Variants in NIPBL observed in about 807,000 individuals in gnomAD.
NIPBL encodes NIPBL cohesin loading factor, also known as nipped-B-like protein.
In NIPBL, 19 loss-of-function variants were observed where a neutral mutation model predicts 321.8. The ratio of observed to expected loss-of-function variants is 0.06; its 90% CI spans 0.04 to 0.09. The LOEUF (loss-of-function observed/expected upper bound fraction) is 0.09. Among genes scored for constraint, NIPBL ranks in the 10% least tolerant of loss-of-function variants. The pLI, the probability that NIPBL is intolerant of heterozygous loss-of-function variation, is 1.00. For missense variants in NIPBL, 2,210 were observed against 3,327.0 expected (o/e 0.66, Z 8.26); for synonymous variants, 1,106 against 1,114.1 (o/e 0.99, Z 0.14).
At chr5:36,972,955 TTTTACTAC>T (rs907293265) in intron 8 of NIPBL, among the ~76,000 whole-genome samples, 1 of 152,206 alleles carries the variant, frequency 6.6e-6, no homozygotes, top group Non-Finnish European at 1.5e-5. Context: ...TTGTAAGAAC[TTTTACTAC>T]TTTATGCACA....
At chr5:36,989,195 C>CTTCA (rs1362159133) in intron 10 of NIPBL, among the ~76,000 whole-genome samples, 1 of 152,174 alleles carries the variant, frequency 6.6e-6, no homozygotes, top group Admixed American at 6.5e-5. Context: ...GTTAATAACT[C>CTTCA]TTCACCCTGT....
intron 37 of NIPBL, 33 bp from the exon 38 acceptor site, chr5:37,046,076 C>A: frequency 9.3e-7 from 1 of 1,070,668 alleles, no homozygotes; most frequent in Non-Finnish European, 1.5e-6. Flanking sequence ...AGTTACTGTT[C>A]ATGAACACTT....
intron 9 of NIPBL, among the ~76,000 whole-genome samples, chr5:36,978,093 G>C (rs2149632197): frequency 6.6e-6 from 1 of 151,934 alleles, no homozygotes; most frequent in East Asian, 1.9e-4. Flanking sequence ...TTTTTATAAA[G>C]TAATTTTTTT....
chr5:37,006,497 A>G lies in NIPBL; in HGVS notation c.3996A>G (p.Val1332=). The change falls in exon 17 of 47, where the codon GTA becomes GTG. Residue 1332 remains valine (V), a synonymous_variant. Coordinates refer to ENST00000282516, the MANE Select transcript of NIPBL (RefSeq NM_133433.4). ...CAAAAGCTGTGTACATTGAGGATGT[A>G]ATTGAAAGAGTTATACAGTACACTA... ...NMPKAVYIED[V]IERVIQYTKF... 6.2e-7 allele frequency: 1 copy of G among 1,612,024 alleles called. No homozygotes were observed. Among genetic ancestry groups the G allele is most frequent in the Non-Finnish European group, 8.5e-7 (1 of 1,178,362 alleles).
At chr5:37,044,552 T>A in intron 35 of NIPBL, 65 bp downstream of exon 35, 2 of 1,584,876 alleles carry the variant, frequency 1.3e-6, no homozygotes, top group South Asian at 2.3e-5. Flanking sequence ...TTATTAAAAT[T>A]TTTAAAGCAA....
chr5:37,010,269 G>A (rs1341110572), intron 21 of NIPBL, 44 bp downstream of exon 21: 1 of 1,387,730 alleles, frequency 7.2e-7, no homozygotes, highest in South Asian at 1.2e-5. Flanking sequence ...TTTTATTGAA[G>A]GAAATACCTA....
At chr5:36,908,430 T>TTTTCCTATAGAATTTTCCTA (rs201624165) in intron 1 of NIPBL, among the ~76,000 whole-genome samples, 1 of 151,968 alleles carries the variant, frequency 6.6e-6, no homozygotes, top group Non-Finnish European at 1.5e-5. Flanking sequence ...TTTTCCTAAA[T>TTTTCCTATAGAATTTTCCTA]TAGAAACAAG....
intron 8 of NIPBL, among the ~76,000 whole-genome samples, chr5:36,972,372 C>T (rs779013826): frequency 7.9e-5 from 12 of 152,116 alleles, no homozygotes; most frequent in Non-Finnish European, 1.5e-4. Flanking sequence ...CCTCTTTCCT[C>T]CAAAAAGACT....
chr5:36,883,530 A>G (rs1003766249), intron 1 of NIPBL, among the ~76,000 whole-genome samples: 1 of 141,138 alleles, frequency 7.1e-6, no homozygotes, highest in African/African-American at 2.9e-5. Flanking sequence ...TTCTAGATAC[A>G]TTAAAACTAA....
intron 30 of NIPBL, among the ~76,000 whole-genome samples, 197 bp downstream of exon 30, chr5:37,024,916 A>C (rs1750084044): frequency 6.6e-6 from 1 of 152,104 alleles, no homozygotes; most frequent in Non-Finnish European, 1.5e-5. Context: ...TCTGATTTTA[A>C]CCAACCAATT....
intron 25 of NIPBL, 56 bp downstream of exon 25, chr5:37,019,456 A>G: frequency 1.5e-6 from 2 of 1,325,768 alleles, no homozygotes; most frequent in South Asian, 1.2e-5. Flanking sequence ...AATTGGGTTT[A>G]AGAAAATTGG....
At chr5:37,015,116 A>G (rs541306301) in intron 22 of NIPBL, among the ~76,000 whole-genome samples, 140 of 151,826 alleles carry the variant, frequency 9.2e-4, no homozygotes, top group Admixed American at 2.2e-3. Flanking sequence ...TTTAGCCTCC[A>G]TATGAATTTT....
At chr5:36,900,534 A>G (rs998176528) in intron 1 of NIPBL, among the ~76,000 whole-genome samples, 2 of 152,178 alleles carry the variant, frequency 1.3e-5, no homozygotes, top group African/African-American at 4.8e-5. Context: ...AATTCAGTCA[A>G]CATAATTACA....
intron 10 of NIPBL, among the ~76,000 whole-genome samples, chr5:36,993,033 G>A (rs887550337): frequency 4.6e-5 from 7 of 152,044 alleles, no homozygotes; most frequent in African/African-American, 7.2e-5. Context: ...GAGCCACTAC[G>A]CCTGGCCCCT....
At chr5:37,052,631 C>A in intron 42 of NIPBL, 65 bp downstream of exon 42, 1 of 1,242,072 alleles carries the variant, frequency 8.1e-7, no homozygotes, top group Non-Finnish European at 1.2e-6. Context: ...ATAAAGTAGT[C>A]ATTTTTTAAA....
Position 36,985,393 on chromosome 5 carries a change from A to T in NIPBL, c.2213A>T (p.Gln738Leu). Residue 738 changes from glutamine (Q) to leucine (L), a missense_variant, in exon 10 of 47, where the codon CAA (glutamine) becomes CTA (leucine). Physicochemically the swap from Gln to Leu is moderately radical, Grantham distance 113. Transcript: ENST00000282516. Reference sequence around the variant, plus strand: ...GATGGAAGGCCTGAAACTCCAAAGCAAAAAGGTGAGAGCCGCCCTGAAACT... The same window carrying T: ...GATGGAAGGCCTGAAACTCCAAAGCTAAAAGGTGAGAGCCGCCCTGAAACT... Reference protein sequence around the residue: ...KGDGRPETPKQKGESRPETPK... With the variant: ...KGDGRPETPKLKGESRPETPK... 6.2e-7 allele frequency: 1 copy of T among 1,613,692 alleles called. No individual in the cohort carries two copies. The highest frequency in any genetic ancestry group is 8.5e-7 in the Non-Finnish European group (1 of 1,179,942).
rs550139753 is a variant in NIPBL at position 37,004,098 on chromosome 5, A to T, written c.3855+751A>T. ...CCTACCTCAAAGGGTTGTTCAAAGG[A>T]TTAAAGAATTAATTCATGTAAAGCA... is the stretch of plus-strand genomic sequence containing the variant. On this transcript the variant is annotated intron_variant, in intron 16 of 46. Coordinates refer to ENST00000282516, the MANE Select transcript of NIPBL (RefSeq NM_133433.4). 5.9e-5 allele frequency among the ~76,000 whole-genome samples: 9 copies of T among 152,302 alleles called. No homozygotes were observed. In the East Asian group the frequency reaches 1.7e-3, roughly 29 times the overall value.
At chr5:36,893,585 A>G (rs1421676272) in intron 1 of NIPBL, among the ~76,000 whole-genome samples, 1 of 152,038 alleles carries the variant, frequency 6.6e-6, no homozygotes, top group African/African-American at 2.4e-5. Flanking sequence ...TCATTCAGTA[A>G]GAATTGAATA....
chr5:36,937,732 CTTTTA>C (rs1738604337), intron 1 of NIPBL, among the ~76,000 whole-genome samples: 1 of 152,280 alleles, frequency 6.6e-6, no homozygotes, highest in African/African-American at 2.4e-5. Flanking sequence ...TACTAATTCA[CTTTTA>C]TTTTATACAC....
Sources: allele counts gnomAD v4.1 joint callset (sites outside exome capture counted in the v4.1 genomes callset), GRCh38; gene constraint gnomAD v4.1.1; transcripts MANE v1.5; gene names NCBI Gene and HGNC (gene_info 2026-07-23, HGNC 2026-07-21).